Variants in FZD3 observed in about 807,000 individuals in gnomAD.
The protein encoded by FZD3 is frizzled class receptor 3.
Under a neutral mutation model 60.7 loss-of-function variants are expected in FZD3, and 30 were observed. The ratio of observed to expected loss-of-function variants is 0.49; its 90% confidence interval spans 0.37 to 0.67. The LOEUF (loss-of-function observed/expected upper bound fraction) is 0.67, where lower values mean the gene tolerates loss of function less well. FZD3 is among the 30% of genes least tolerant of loss of function. The probability of loss-of-function intolerance (pLI) is 0.00; values close to 1 mark genes in which losing one functional copy is unlikely to be tolerated. For missense variants in FZD3, 605 were observed against 838.7 expected (o/e 0.72, Z 3.44); for synonymous variants, 246 against 275.2 (o/e 0.89, Z 1.05).
At chr8:28,548,749 A>C (rs1805350333) in intron 5 of FZD3, among the ~76,000 whole-genome samples, 1 of 152,036 alleles carries the variant, frequency 6.6e-6, no homozygotes, top group Non-Finnish European at 1.5e-5. Context: ...AACTTGTCTA[A>C]TTCTCATATA....
chr8:28,536,956 G>T (rs770698816), intron 5 of FZD3, among the ~76,000 whole-genome samples: 3 of 152,102 alleles, frequency 2.0e-5, no homozygotes, highest in Non-Finnish European at 4.4e-5. Context: ...TATGTTTTAC[G>T]CTGCCAACAT....
At position 28,527,393 on chromosome 8, in the gene FZD3, C is replaced by G; in HGVS notation, c.633C>G (p.Ile211Met). ...FARYFIGLISIICLSATLFTF... is the reference protein window; with the variant it reads ...FARYFIGLISMICLSATLFTF... ...GCTATTTCATAGGATTGATTTCAAT[C>G]ATTTGCCTCTCGGCCACATTGTTTA... The change falls in exon 5 of 8, where the codon ATC becomes ATG. Residue 211 changes from isoleucine to methionine, a missense_variant. Coordinates refer to ENST00000240093, the MANE Select transcript of FZD3 (RefSeq NM_017412.4). This position sits in a 1 kb window ranked among gnomAD's most constrained non-coding sequence, Gnocchi z 5.0. 6.2e-7 allele frequency: 1 copy of G among 1,613,940 alleles called. No individual in the cohort carries two copies. Among genetic ancestry groups the G allele is most frequent in the Middle Eastern group, 1.6e-4 (1 of 6,062 alleles).
At chr8:28,521,232 A>G (rs1804571651) in intron 4 of FZD3, among the ~76,000 whole-genome samples, 2 of 152,246 alleles carry the variant, frequency 1.3e-5, no homozygotes, top group South Asian at 4.1e-4. Flanking sequence ...TAGTTCTGTC[A>G]TTTCTTTTTT....
intron 7 of FZD3, among the ~76,000 whole-genome samples, chr8:28,560,058 T>C (rs1805586993): frequency 6.6e-6 from 1 of 152,138 alleles, no homozygotes; most frequent in African/African-American, 2.4e-5. Flanking sequence ...AATGATTAGG[T>C]TGGTAAGTGG....
intron 6 of FZD3, 109 bp downstream of exon 6, chr8:28,551,860 C>A: frequency 2.3e-6 from 2 of 871,410 alleles, no homozygotes; most frequent in South Asian, 1.7e-5. Flanking sequence ...TCAAACAAGA[C>A]TAACATTTTC....
chr8:28,549,063 G>A (rs1334870548), intron 5 of FZD3, among the ~76,000 whole-genome samples: 4 of 152,308 alleles, frequency 2.6e-5, no homozygotes. Flanking sequence ...GGATGAAGGT[G>A]CTGGCAGGTT....
chr8:28,513,287 G>A (rs1015121239), intron 3 of FZD3, among the ~76,000 whole-genome samples: 2 of 152,138 alleles, frequency 1.3e-5, no homozygotes, highest in African/African-American at 4.8e-5. Context: ...ACTTAATTCA[G>A]AACTGTCCAT....
chr8:28,535,208 AAC>A (rs918999275), intron 5 of FZD3, among the ~76,000 whole-genome samples: 1 of 152,116 alleles, frequency 6.6e-6, no homozygotes, highest in Non-Finnish European at 1.5e-5. Context: ...TCTCGCTGAA[AAC>A]AGTTTCACTG....
intron 5 of FZD3, among the ~76,000 whole-genome samples, chr8:28,532,376 A>G (rs887130704): frequency 6.6e-6 from 1 of 152,134 alleles, no homozygotes; most frequent in Admixed American, 6.6e-5. Context: ...GCTTATTTAC[A>G]TTTTTATTCA....
At chr8:28,550,297 A>G (rs1014197343) in intron 5 of FZD3, among the ~76,000 whole-genome samples, 1 of 151,778 alleles carries the variant, frequency 6.6e-6, no homozygotes, top group African/African-American at 2.4e-5. Flanking sequence ...GAGTAAAGTA[A>G]TCTTTTTAAG....
At position 28,563,506 on chromosome 8, in the gene FZD3, T is replaced by C. The variant is rs1805652890; in HGVS notation, c.*495T>C. ...TGAAAAAAGAACTGTGTTTTTAAAC[T>C]GTAGGAGAATTTAATAAATCAGCAA... On this transcript the variant is annotated 3_prime_UTR_variant, in exon 8 of 8. Transcript: ENST00000240093. 6.4e-6 allele frequency: 1 copy of C among 156,636 alleles called. No homozygotes were observed. The highest frequency in any genetic ancestry group is 2.4e-5 in the African/African-American group (1 of 41,492). 9.7% of individuals were successfully genotyped at this position (156,636 alleles called of 1,614,324 possible).
intron 7 of FZD3, among the ~76,000 whole-genome samples, chr8:28,557,668 A>G (rs1020495800): frequency 2.0e-5 from 3 of 152,062 alleles, no homozygotes; most frequent in African/African-American, 7.2e-5. Flanking sequence ...TCCATCCTTT[A>G]TGCCTTGAAA....
rs558525477 is a variant in FZD3, at chr8:28,525,503, A to G, written c.387-1644A>G. Among the ~76,000 whole-genome samples the G allele has an allele frequency of 1.4e-4, 21 of 152,314 alleles. No individual in the cohort carries two copies. The South Asian group carries it at 3.9e-3, about 29-fold the overall frequency. On this transcript the variant is annotated intron_variant, in intron 4 of 7. Transcript: ENST00000240093. ...GCCAGGCAAAGGAAACAGAGCAGCA[A>G]GTACAGAGACTCTGAAGTGGAACCA...
chr8:28,520,828 G>A lies in FZD3; in HGVS notation c.380G>A (p.Cys127Tyr). 6.3e-7 allele frequency: 1 copy of A among 1,575,796 alleles called. No individual in the cohort carries two copies. Among genetic ancestry groups the A allele is most frequent in the Non-Finnish European group, 8.6e-7 (1 of 1,157,076 alleles). Residue 127 changes from cysteine (C) to tyrosine (Y), a missense_variant, in exon 4 of 8, where the codon TGC becomes TAC. By Grantham distance (194) the Cys-to-Tyr change is radical. Coordinates refer to ENST00000240093, the MANE Select transcript of FZD3 (RefSeq NM_017412.4). ...GTTCCTTGGCCTGAAGATATGGAATGCAGTAGGTGCGAAAATCATAGATTT... is the reference window on the plus strand; with the variant it reads ...GTTCCTTGGCCTGAAGATATGGAATACAGTAGGTGCGAAAATCATAGATTT... ...FGVPWPEDME[C>Y]SRFPDCDEPY...
rs1805496942 is a variant in FZD3 at position 28,555,784 on chromosome 8, C to T, written c.1600C>T (p.Gln534Ter). The T allele has an allele frequency of 6.2e-7, 1 of 1,613,600 alleles. No homozygotes were observed. ...GGTACTCCAGGAACCTGATTTTGCTCAGTCTCTCCTGAGGGATCCAAATAC... is the reference window on the plus strand; with the variant it reads ...GGTACTCCAGGAACCTGATTTTGCTTAGTCTCTCCTGAGGGATCCAAATAC... ...RQVLQEPDFA[Q>*]SLLRDPNTPI... The change falls in exon 7 of 8, where the codon CAG becomes TAG. Residue 534 changes from glutamine to a stop codon, truncating the protein, a stop_gained. Transcript: ENST00000240093. LOFTEE classifies it high-confidence loss of function.
At chr8:28,535,000 A>G (rs778146111) in intron 5 of FZD3, among the ~76,000 whole-genome samples, 4 of 152,234 alleles carry the variant, frequency 2.6e-5, no homozygotes, top group Non-Finnish European at 4.4e-5. Context: ...ATTTGAATAT[A>G]TTTGCTTAAA....
rs1474754674 is a variant in FZD3 at position 28,562,836 on chromosome 8, T to TCTC, written c.1826_1827insCTC (p.Leu609_Pro610insSer). ...AGTTACAGAGGAATGGAGGAGAGAC[T>TCTC]ACCTCATGGCAGCATGTCACGACTA... On this transcript the variant is annotated inframe_insertion, in exon 8 of 8. Transcript: ENST00000240093. The TCTC allele has an allele frequency of 6.2e-7, 1 of 1,613,242 alleles. No homozygotes were observed. Among genetic ancestry groups the TCTC allele is most frequent in the Non-Finnish European group, 8.5e-7 (1 of 1,179,440 alleles).
chr8:28,504,523 T>C, intron 3 of FZD3, among the ~76,000 whole-genome samples: 1 of 152,232 alleles, frequency 6.6e-6, no homozygotes. Flanking sequence ...CATAAAGATG[T>C]TTGTCCTGAC....
At chr8:28,550,941 C>A (rs1805397630) in intron 5 of FZD3, among the ~76,000 whole-genome samples, 1 of 151,800 alleles carries the variant, frequency 6.6e-6, no homozygotes, top group South Asian at 2.1e-4. Context: ...CACTGTTTTC[C>A]TTCTATGGCA....
Sources: gnomAD v4.1 joint callset for allele counts (sites outside exome capture counted in the v4.1 genomes callset) on GRCh38, gnomAD v4.1.1 for gene constraint, Gnocchi (gnomAD v3.1) non-coding constraint, MANE v1.5 for transcripts, NCBI Gene and HGNC (gene_info 2026-07-23, HGNC 2026-07-21) for gene names.